Variants in USP13 observed in about 807,000 individuals in gnomAD.
USP13 encodes ubiquitin carboxyl-terminal hydrolase 13.
Under a neutral mutation model 107.8 loss-of-function variants are expected in USP13, and 68 were observed. The ratio of observed to expected loss-of-function variants is 0.63; its 90% CI spans 0.52 to 0.77. USP13 has a LOEUF of 0.77. Ranked by LOEUF, USP13 falls within the 30% of genes least tolerant of loss-of-function variation. USP13 has a pLI of 0.00. For synonymous variants in USP13, 377 were observed against 389.5 expected, an observed-to-expected ratio of 0.97 and a Z score of 0.38; for missense variants, 945 against 1,093.3, an observed-to-expected ratio of 0.86 and a Z score of 1.91.
chr3:179,728,730 G>A (rs1487639493), intron 8 of USP13, among the ~76,000 whole-genome samples: 19 of 152,178 alleles, frequency 1.2e-4, no homozygotes, highest in Middle Eastern at 3.2e-3. Flanking sequence ...CTGCAATCCC[G>A]GCACCTCGGG....
chr3:179,728,182 G>A (rs1269073864), intron 8 of USP13, among the ~76,000 whole-genome samples: 30 of 145,490 alleles, frequency 2.1e-4, no homozygotes, highest in African/African-American at 7.0e-4. Flanking sequence ...CGGACGGGGC[G>A]GCTGGCCTGG....
intron 1 of USP13, among the ~76,000 whole-genome samples, chr3:179,668,975 A>G (rs1720665027): frequency 1.3e-5 from 2 of 152,198 alleles, no homozygotes; most frequent in African/African-American, 2.4e-5. Context: ...TTTCATTCGG[A>G]CATGGAAGTA....
chr3:179,742,379 C>T lies in USP13; in HGVS notation c.1534+29C>T. ...ACAATTCCAAAGCGGGAAATTGGTA[C>T]TGTGTGTCTTCATATGGGAAAACCC... On this transcript the variant is annotated intron_variant, in intron 12 of 20. Coordinates refer to ENST00000263966, the MANE Select transcript of USP13 (RefSeq NM_003940.3). The surrounding 1 kb of genome is among the most constrained non-coding windows in gnomAD (Gnocchi z 5.0). 1 of 1,613,368 alleles carries T rather than the reference C, an allele frequency of 6.2e-7. No homozygotes were observed. Among genetic ancestry groups the T allele is most frequent in the Non-Finnish European group, 8.5e-7 (1 of 1,179,508 alleles).
intron 20 of USP13, 115 bp from the exon 21 acceptor site, chr3:179,783,933 T>C: frequency 1.3e-6 from 1 of 780,150 alleles, no homozygotes; most frequent in East Asian, 2.6e-5. Context: ...AACTTGAGTA[T>C]AGTACCTTAA....
chr3:179,655,750 G>T (rs559985324), intron 1 of USP13, among the ~76,000 whole-genome samples: 3 of 151,822 alleles, frequency 2.0e-5, no homozygotes, highest in East Asian at 1.9e-4. Context: ...GGTGGGTTTC[G>T]CCATGTTGGT....
At position 179,700,989 on chromosome 3, in the gene USP13, G is replaced by C; in HGVS notation, c.356-19G>C. 1 of 1,606,704 alleles carries C rather than the reference G, an allele frequency of 6.2e-7. No individual in the cohort carries two copies. The stretch of plus-strand genomic sequence containing the variant: ...TTATTTTCCTCACTTCTTGTTCTTT[G>C]TTTTTGTTTTCTCCTCAGATCTAGA... On this transcript the variant is annotated intron_variant, in intron 3 of 20. Transcript: ENST00000263966.
chr3:179,712,280 A>G (rs1712958669), intron 6 of USP13, among the ~76,000 whole-genome samples: 1 of 152,206 alleles, frequency 6.6e-6, no homozygotes, highest in African/African-American at 2.4e-5. Flanking sequence ...CAGTTTTAAG[A>G]AAGTTTTATA....
At chr3:179,671,807 C>T (rs561530705) in intron 1 of USP13, among the ~76,000 whole-genome samples, 33 of 152,166 alleles carry the variant, frequency 2.2e-4, no homozygotes, top group Admixed American at 1.2e-3. Flanking sequence ...TCTTGGCCTT[C>T]CTTTTCCAAG....
At chr3:179,745,649 T>A (rs1714380363) in intron 13 of USP13, among the ~76,000 whole-genome samples, 2 of 152,068 alleles carry the variant, frequency 1.3e-5, no homozygotes. Flanking sequence ...AGAATGACAT[T>A]ATTCATGAAG....
chr3:179,728,032 A>C (rs1271452180), intron 8 of USP13, among the ~76,000 whole-genome samples: 67 of 29,484 alleles, frequency 2.3e-3, no homozygotes, highest in African/African-American at 6.7e-3. Flanking sequence ...GCTGATCCCC[A>C]CCACCTCCCT....
At position 179,658,213 on chromosome 3, in the gene USP13, C is replaced by A. The variant is rs1030037983; in HGVS notation, c.168+4820C>A. Among the ~76,000 whole-genome samples the A allele has an allele frequency of 2.0e-5, 3 of 152,312 alleles. 1 individual carries two copies. Among genetic ancestry groups the A allele is most frequent in the African/African-American group, 7.2e-5 (3 of 41,576 alleles). On this transcript the variant is annotated intron_variant, in intron 1 of 20. Transcript: ENST00000263966. The stretch of plus-strand genomic sequence containing the variant: ...TCGTGATCCGCCCACCTTGGCCTCC[C>A]AAAGTGCTGTGATTACAGGCGGGAG...
At chr3:179,691,978 G>A (rs1324431307) in intron 3 of USP13, among the ~76,000 whole-genome samples, 1 of 152,138 alleles carries the variant, frequency 6.6e-6, no homozygotes, top group Admixed American at 6.5e-5. Flanking sequence ...TGTTTCCATA[G>A]TATGATTTCA....
chr3:179,739,597 G>A (rs1339714585), intron 10 of USP13, among the ~76,000 whole-genome samples: 1 of 151,954 alleles, frequency 6.6e-6, no homozygotes, highest in African/African-American at 2.4e-5. Context: ...TGCTCTTGTC[G>A]CCCAGGCTGG....
In USP13 at chr3:179,707,044, C is replaced by G. The variant is rs551623917; in HGVS notation, c.588C>G (p.Thr196=). Residue 196 remains threonine, a synonymous_variant, in exon 5 of 21, where the codon ACC becomes ACG. Transcript: ENST00000263966. The part of the protein sequence containing the change: ...LPVSKYANNL[T]QLDNGVRIPP... The stretch of plus-strand genomic sequence containing the variant: ...TATCTAAATATGCCAACAACCTCAC[C>G]CAGCTGGACAATGGAGTCAGGATTC... The G allele has an allele frequency of 2.9e-5, 47 of 1,614,056 alleles. No individual in the cohort carries two copies. The East Asian group carries it at 6.0e-4, about 21-fold the overall frequency.
chr3:179,760,518 C>T (rs892364822), intron 16 of USP13, among the ~76,000 whole-genome samples: 31 of 151,986 alleles, frequency 2.0e-4, no homozygotes, highest in African/African-American at 7.5e-4. Context: ...CTCCTGACCT[C>T]ATAATCCGCC....
chr3:179,754,201 A>G (rs1714707231), intron 14 of USP13, among the ~76,000 whole-genome samples: 1 of 152,070 alleles, frequency 6.6e-6, no homozygotes, highest in African/African-American at 2.4e-5. Context: ...AAAAACTGCC[A>G]TAAGACTCAG....
At chr3:179,703,000 A>G (rs1032026139) in intron 4 of USP13, among the ~76,000 whole-genome samples, 1 of 152,198 alleles carries the variant, frequency 6.6e-6, no homozygotes, top group Non-Finnish European at 1.5e-5. Context: ...TTAATAAAAA[A>G]GCCTTTTCTT....
rs779144584 is a variant in USP13, at chr3:179,743,672, C to T, written c.1534+1322C>T. On this transcript the variant is annotated intron_variant, in intron 12 of 20. Coordinates refer to ENST00000263966, the MANE Select transcript of USP13 (RefSeq NM_003940.3). Reference sequence around the variant, plus strand: ...TGTCCGCCTCAGGGTTACTGACTCACGTGTCTGCTCATGTCCATGATCTTT... The same window carrying T: ...TGTCCGCCTCAGGGTTACTGACTCATGTGTCTGCTCATGTCCATGATCTTT... 2.6e-5 allele frequency among the ~76,000 whole-genome samples: 4 copies of T among 152,118 alleles called. No individual in the cohort carries two copies. The South Asian group carries it at 6.2e-4, about 24-fold the overall frequency.
chr3:179,774,169 A>T (rs548105224), intron 19 of USP13, among the ~76,000 whole-genome samples: 1 of 152,256 alleles, frequency 6.6e-6, no homozygotes, highest in South Asian at 2.1e-4. Context: ...AAGAGGTGTC[A>T]TGTTTTTTTA....
Sources: allele counts gnomAD v4.1 joint callset (sites outside exome capture counted in the v4.1 genomes callset), GRCh38; gene constraint gnomAD v4.1.1; non-coding constraint Gnocchi (gnomAD v3.1); transcripts MANE v1.5; gene names NCBI Gene and HGNC (gene_info 2026-07-23, HGNC 2026-07-21).